DCC: variants seen among roughly 807,000 people sequenced by gnomAD.
DCC encodes the protein DCC netrin 1 receptor.
A neutral mutation model predicts 172.5 loss-of-function variants in DCC; 58 were observed. The ratio of observed to expected loss-of-function variants is 0.34; its 90% confidence interval spans 0.27 to 0.42. The LOEUF (loss-of-function observed/expected upper bound fraction) is 0.42. DCC is among the 10% of genes least tolerant of loss of function. The pLI, the probability that DCC is intolerant of heterozygous loss-of-function variation, is 1.00. For synonymous variants in DCC, 709 were observed against 644.5 expected (o/e 1.10, Z -1.52); for missense variants, 1,740 against 1,791.0 (o/e 0.97, Z 0.51).
intron 1 of DCC, among the ~76,000 whole-genome samples, chr18:52,369,350 C>T (rs928596603): frequency 2.0e-5 from 3 of 151,900 alleles, no homozygotes; most frequent in Non-Finnish European, 4.4e-5. Context: ...CTCCCCACCT[C>T]AGGTCCTTCA....
chr18:53,491,482 G>C (rs971248277), intron 26 of DCC, among the ~76,000 whole-genome samples: 4 of 151,992 alleles, frequency 2.6e-5, no homozygotes, highest in African/African-American at 4.8e-5. Context: ...ATCTACATTA[G>C]GTATTTTTCC....
Position 52,340,602 on chromosome 18 carries a change from A to G in DCC, c.-186A>G. 1 of 680,800 alleles carries G rather than the reference A, an allele frequency of 1.5e-6. No individual in the cohort carries two copies. Among genetic ancestry groups the G allele is most frequent in the Non-Finnish European group, 2.7e-6 (1 of 373,884 alleles). 42.2% of individuals were successfully genotyped at this position (680,800 alleles called of 1,614,324 possible). ...TGCTGATTCTGTCAGTGGACAAGGA[A>G]AAAGGCTTCGAAGGCAGCAGAGGCG... On this transcript the variant is annotated 5_prime_UTR_variant, in exon 1 of 29. Transcript: ENST00000442544.
intron 12 of DCC, among the ~76,000 whole-genome samples, chr18:53,228,520 G>T (rs1431558741): frequency 6.6e-6 from 1 of 152,070 alleles, no homozygotes; most frequent in Non-Finnish European, 1.5e-5. Flanking sequence ...TCAGCAATCA[G>T]TGAGCAACTG....
At chr18:53,434,987 A>T (rs1170483582) in intron 21 of DCC, among the ~76,000 whole-genome samples, 157 bp from the exon 22 acceptor site, 1 of 151,958 alleles carries the variant, frequency 6.6e-6, no homozygotes, top group East Asian at 1.9e-4. Context: ...GGAAAATAAC[A>T]TTTTCTTATA....
At chr18:53,094,993 T>C (rs953538654) in intron 7 of DCC, among the ~76,000 whole-genome samples, 4 of 152,196 alleles carry the variant, frequency 2.6e-5, no homozygotes, top group Admixed American at 6.5e-5. Flanking sequence ...TATGTCTTGC[T>C]ATTACTACAC....
chr18:53,398,498 C>A (rs1282275459), intron 18 of DCC, among the ~76,000 whole-genome samples: 1 of 151,994 alleles, frequency 6.6e-6, no homozygotes, highest in East Asian at 1.9e-4. Flanking sequence ...TAAGACCAGC[C>A]GGATGAGATA....
intron 16 of DCC, among the ~76,000 whole-genome samples, chr18:53,390,350 CA>C (rs1346699782): frequency 2.0e-5 from 3 of 151,482 alleles, no homozygotes; most frequent in Non-Finnish European, 4.4e-5. Context: ...CATTGGAAAA[CA>C]GAGTGATGAA....
intron 13 of DCC, among the ~76,000 whole-genome samples, chr18:53,311,343 G>A (rs764784410): frequency 5.5e-4 from 84 of 152,034 alleles, no homozygotes; most frequent in Non-Finnish European, 1.0e-3. Flanking sequence ...GGCTGGTCTC[G>A]AACTCCTGAC....
chr18:53,412,901 TG>T (rs1360566447), intron 20 of DCC, among the ~76,000 whole-genome samples: 24 of 152,314 alleles, frequency 1.6e-4, no homozygotes, highest in African/African-American at 4.8e-4. Flanking sequence ...TACACATATA[TG>T]ATGTATCTAA....
intron 1 of DCC, among the ~76,000 whole-genome samples, chr18:52,551,194 C>A (rs546496202): frequency 1.1e-4 from 17 of 151,846 alleles, no homozygotes; most frequent in African/African-American, 3.6e-4. Flanking sequence ...CATGGCAGAG[C>A]GGACATAATG....
At chr18:53,158,236 T>A (rs1381425764) in intron 8 of DCC, among the ~76,000 whole-genome samples, 6 of 152,242 alleles carry the variant, frequency 3.9e-5, no homozygotes, top group African/African-American at 1.2e-4. Context: ...CAGTGTCCAG[T>A]ACTTGGTAGA....
chr18:53,474,680 A>C (rs1490726060), intron 25 of DCC, among the ~76,000 whole-genome samples: 1 of 152,226 alleles, frequency 6.6e-6, no homozygotes, highest in Non-Finnish European at 1.5e-5. Context: ...TAAGTCCAAT[A>C]AACGTCTTTT....
chr18:53,469,290 T>G (rs2045666473), intron 25 of DCC, among the ~76,000 whole-genome samples: 1 of 152,168 alleles, frequency 6.6e-6, no homozygotes, highest in African/African-American at 2.4e-5. Flanking sequence ...CATTCCCTCA[T>G]AGCTAAATGT....
chr18:52,797,577 G>A (rs1416801157), intron 2 of DCC, among the ~76,000 whole-genome samples: 1 of 152,206 alleles, frequency 6.6e-6, no homozygotes, highest in Non-Finnish European at 1.5e-5. Context: ...TGGAGGTTGT[G>A]GTAAGACTTT....
rs930459360 is a variant in DCC, at chr18:53,421,877, A to G, written c.3163+5721A>G. ...ATCTCACATTTATGGCTTTTCCACT[A>G]TGTGTCAATTACTCTTCTATGCATT... On this transcript the variant is annotated intron_variant, in intron 21 of 28. Transcript: ENST00000442544. 2.0e-5 allele frequency among the ~76,000 whole-genome samples: 3 copies of G among 152,176 alleles called. No individual in the cohort carries two copies. In the East Asian group the frequency reaches 5.8e-4, roughly 29 times the overall value.
chr18:52,792,105 G>C (rs2037782408), intron 2 of DCC, among the ~76,000 whole-genome samples: 1 of 152,064 alleles, frequency 6.6e-6, no homozygotes, highest in Non-Finnish European at 1.5e-5. Context: ...CTCATGGAGA[G>C]AGTACCTATT....
At chr18:53,477,852 C>A (rs1304448215) in intron 25 of DCC, among the ~76,000 whole-genome samples, 2 of 152,174 alleles carry the variant, frequency 1.3e-5, no homozygotes, top group African/African-American at 4.8e-5. Context: ...CAGCTGACAG[C>A]ACAGGCAGGA....
chr18:52,482,151 G>A (rs1466445830), intron 1 of DCC, among the ~76,000 whole-genome samples: 1 of 152,002 alleles, frequency 6.6e-6, no homozygotes, highest in African/African-American at 2.4e-5. Context: ...ACAAACACTT[G>A]CACTTGCACA....
intron 5 of DCC, among the ~76,000 whole-genome samples, chr18:53,013,390 T>C (rs2041759631): frequency 6.6e-6 from 1 of 152,110 alleles, no homozygotes; most frequent in African/African-American, 2.4e-5. Flanking sequence ...TCATGTCCTT[T>C]GCAGAGACGT....
Sources: allele counts gnomAD v4.1 joint callset (sites outside exome capture counted in the v4.1 genomes callset), GRCh38; gene constraint gnomAD v4.1.1; transcripts MANE v1.5; gene names NCBI Gene and HGNC (gene_info 2026-07-23, HGNC 2026-07-21).